Variants in STAU1 observed in about 807,000 individuals in gnomAD.
The protein encoded by STAU1 is staufen double-stranded RNA binding protein 1.
Under a neutral mutation model 62.9 loss-of-function variants are expected in STAU1, and 13 were observed. That is an observed-to-expected ratio of 0.21 (90% confidence interval 0.13 to 0.33). The LOEUF (loss-of-function observed/expected upper bound fraction) is 0.33. Among genes scored for constraint, STAU1 ranks in the 10% least tolerant of loss-of-function variants. The pLI is 1.00. For missense variants in STAU1, 571 were observed against 712.1 expected (o/e 0.80, Z 2.25); for synonymous variants, 269 against 265.1 (o/e 1.01, Z -0.14).
intron 6 of STAU1, among the ~76,000 whole-genome samples, chr20:49,128,638 TA>T (rs2092684050): frequency 6.6e-6 from 1 of 151,924 alleles, no homozygotes; most frequent in Non-Finnish European, 1.5e-5. Context: ...GGTTATTTAA[TA>T]AAGGACTGTC....
intron 7 of STAU1, 58 bp downstream of exon 7, chr20:49,124,317 A>G: frequency 6.4e-7 from 1 of 1,565,020 alleles, no homozygotes; most frequent in Non-Finnish European, 8.7e-7. Context: ...CAGCCTTCTA[A>G]ACCCCCCACC....
intron 6 of STAU1, among the ~76,000 whole-genome samples, chr20:49,133,873 G>T (rs1205641849): frequency 6.6e-6 from 1 of 152,146 alleles, no homozygotes; most frequent in African/African-American, 2.4e-5. Flanking sequence ...AGGCAGAGAG[G>T]CATCAGCAGG....
chr20:49,188,811 T>C (rs914909051), upstream of STAU1, among the ~76,000 whole-genome samples: 1 of 152,236 alleles, frequency 6.6e-6, no homozygotes, highest in African/African-American at 2.4e-5. Context: ...GCTAAGAATG[T>C]AGTGGTGAAC....
At chr20:49,170,383 C>G (rs973580376) in intron 2 of STAU1, among the ~76,000 whole-genome samples, 1 of 152,230 alleles carries the variant, frequency 6.6e-6, no homozygotes, top group East Asian at 1.9e-4. Flanking sequence ...GACAGTCTCA[C>G]TCTGTCGTCC....
At chr20:49,159,203 G>A in intron 3 of STAU1, 1 of 1,027,686 alleles carries the variant, frequency 9.7e-7, no homozygotes, top group South Asian at 3.3e-5. Context: ...CTTTCTCTAG[G>A]ACTTTCCCCA....
the STAU1 span, among the ~76,000 whole-genome samples, chr20:49,196,627 G>A: frequency 6.6e-6 from 1 of 151,276 alleles, no homozygotes; most frequent in Non-Finnish European, 1.5e-5. Flanking sequence ...ATAGCCCGGC[G>A]TGGTGGCGCA....
chr20:49,158,527 T>G (rs541320424), intron 3 of STAU1: 125 of 1,302,240 alleles, frequency 9.6e-5, no homozygotes, highest in Non-Finnish European at 1.2e-4. Context: ...AATCCTTTAT[T>G]GGCCAGGTGC....
In STAU1 at chr20:49,120,148, C is replaced by T. The variant is rs2092431146; in HGVS notation, c.967-20G>A. On this transcript the variant is annotated intron_variant, in intron 8 of 13. Coordinates refer to ENST00000371856, the MANE Select transcript of STAU1 (RefSeq NM_017453.4). ...CTTCACCTGCACAAAGAAGTCAAAA[C>T]ACAGACCAGTGCTTAAACCTTCAGA... The T allele has an allele frequency of 6.2e-7, 1 of 1,607,342 alleles. No homozygotes were observed. Among genetic ancestry groups the T allele is most frequent in the Non-Finnish European group, 8.5e-7 (1 of 1,175,390 alleles).
the STAU1 span, chr20:49,219,279 C>A: frequency 7.0e-7 from 1 of 1,429,870 alleles, no homozygotes; most frequent in East Asian, 2.5e-5. Flanking sequence ...AAACCAACCA[C>A]GCCCCATATT....
rs578234352 is a variant in STAU1, at chr20:49,175,019, G to A, written c.-159-750C>T. The stretch of plus-strand genomic sequence containing the variant: ...CTAAAAATACAAAAATTAGCTGGGC[G>A]TGATGGCACACCTGTAGTCCCAGCT... On this transcript the variant is annotated intron_variant, in intron 1 of 13. Coordinates refer to ENST00000371856, the MANE Select transcript of STAU1 (RefSeq NM_017453.4). Among the ~76,000 whole-genome samples the A allele has an allele frequency of 2.6e-5, 4 of 152,068 alleles. No individual in the cohort carries two copies. In the East Asian group the frequency reaches 7.7e-4, roughly 29 times the overall value.
rs372149473 is a variant in STAU1, at chr20:49,125,673, C to T, written c.610-1086G>A. 1.8e-4 allele frequency among the ~76,000 whole-genome samples: 28 copies of T among 152,052 alleles called. No homozygotes were observed. The South Asian group carries it at 4.6e-3, about 25-fold the overall frequency. ...CATCCTGGCTAACATGGTGAAACCC[C>T]GTCTCTACTAAAAATACAAAAAAAA... On this transcript the variant is annotated intron_variant, in intron 6 of 13. Transcript: ENST00000371856.
rs577779668 is a variant in STAU1, at chr20:49,113,779, C to T, written c.*1099G>A. 9 of 152,746 alleles carry T rather than the reference C, an allele frequency of 5.9e-5. No individual in the cohort carries two copies. The South Asian group carries it at 1.9e-3, about 32-fold the overall frequency. 9.5% of individuals were successfully genotyped at this position (152,746 alleles called of 1,614,324 possible). ...TGGAGATGTAATTAACAGTATCGAG[C>T]ACTCTGGAAAATCACTCTGCAGGTT... On this transcript the variant is annotated 3_prime_UTR_variant, in exon 14 of 14. Coordinates refer to ENST00000371856, the MANE Select transcript of STAU1 (RefSeq NM_017453.4).
intron 1 of STAU1, among the ~76,000 whole-genome samples, chr20:49,187,848 G>A (rs940882989): frequency 2.7e-5 from 4 of 150,616 alleles, no homozygotes; most frequent in Non-Finnish European, 5.9e-5. Flanking sequence ...GCGGGACGAG[G>A]AAAGGCGGCC....
At chr20:49,129,066 A>G (rs1472904951) in intron 6 of STAU1, among the ~76,000 whole-genome samples, 1 of 151,912 alleles carries the variant, frequency 6.6e-6, no homozygotes, top group East Asian at 1.9e-4. Flanking sequence ...ATCTGAGAAA[A>G]AACTTGAATT....
chr20:49,159,833 A>G lies in STAU1; in HGVS notation c.206-5762T>C, dbSNP rs912581774. On this transcript the variant is annotated intron_variant, in intron 3 of 13. Transcript: ENST00000371856. ...GGCCTTGGCCTTCCAAAGTGCTGTG[A>G]ATACAAGCATGAGCCACTGCTCCCA... is the stretch of plus-strand genomic sequence containing the variant. Among the ~76,000 whole-genome samples, 7 of 152,244 alleles carry G rather than the reference A, an allele frequency of 4.6e-5. 1 individual carries two copies. Among genetic ancestry groups the G allele is most frequent in the Admixed American group, 4.6e-4 (7 of 15,284 alleles).
chr20:49,123,455 T>C (rs141544818), intron 7 of STAU1, among the ~76,000 whole-genome samples: 8 of 152,326 alleles, frequency 5.3e-5, no homozygotes, highest in African/African-American at 1.9e-4. Flanking sequence ...ACATCAACAT[T>C]TCACTATAAC....
chr20:49,160,833 G>T (rs968920619), intron 3 of STAU1, among the ~76,000 whole-genome samples: 2 of 152,058 alleles, frequency 1.3e-5, no homozygotes, highest in African/African-American at 2.4e-5. Context: ...GCTAACAAGT[G>T]AAAAAACTGT....
At chr20:49,168,428 A>C (rs1358597957) in intron 2 of STAU1, among the ~76,000 whole-genome samples, 1 of 152,172 alleles carries the variant, frequency 6.6e-6, no homozygotes, top group African/African-American at 2.4e-5. Context: ...AGAAAGGAAT[A>C]GGCTTTTTAA....
At chr20:49,161,793 G>A (rs2093452234) in intron 3 of STAU1, among the ~76,000 whole-genome samples, 1 of 152,178 alleles carries the variant, frequency 6.6e-6, no homozygotes, top group Non-Finnish European at 1.5e-5. Context: ...TACAAATGTA[G>A]GCAGCCATGA....
Sources: gnomAD v4.1 joint callset for allele counts (sites outside exome capture counted in the v4.1 genomes callset) on GRCh38, gnomAD v4.1.1 for gene constraint, MANE v1.5 for transcripts, NCBI Gene and HGNC (gene_info 2026-07-23, HGNC 2026-07-21) for gene names.